TANC1: variants seen among roughly 807,000 people sequenced by gnomAD.
TANC1 encodes the protein protein TANC1.
A neutral mutation model predicts 149.7 loss-of-function variants in TANC1; 77 were observed. The observed-to-expected ratio is 0.51, with a 90% CI of 0.43 to 0.62. The LOEUF is 0.62. TANC1 is among the 20% of genes least tolerant of loss of function. TANC1 has a pLI of 0.00. For missense variants in TANC1, 1,985 were observed against 2,321.8 expected, an observed-to-expected ratio of 0.85 and a Z score of 2.98; for synonymous variants, 854 against 925.0, an observed-to-expected ratio of 0.92 and a Z score of 1.39.
chr2:159,120,504 A>T (rs919877525), intron 4 of TANC1, among the ~76,000 whole-genome samples: 2 of 152,258 alleles, frequency 1.3e-5, no homozygotes, highest in East Asian at 1.9e-4. Context: ...TGAATTTTGC[A>T]TTGCTATTCA....
intron 19 of TANC1, among the ~76,000 whole-genome samples, chr2:159,199,755 TTA>T (rs1258923718): frequency 2.0e-5 from 3 of 152,238 alleles, no homozygotes; most frequent in South Asian, 4.1e-4. Context: ...AATTTCCAGG[TTA>T]TGTTTCTGTG....
intron 12 of TANC1, 114 bp from the exon 13 acceptor site, chr2:159,176,238 A>T: frequency 1.8e-6 from 1 of 556,498 alleles, no homozygotes; most frequent in Non-Finnish European, 3.0e-6. Flanking sequence ...TTCTTGTGCC[A>T]TATGTAAACC....
intron 19 of TANC1, among the ~76,000 whole-genome samples, chr2:159,210,900 C>G (rs1443854649): frequency 6.7e-6 from 1 of 149,052 alleles, no homozygotes; most frequent in Non-Finnish European, 1.5e-5. Flanking sequence ...AAGATGGAGT[C>G]TTGCTCTGTC....
At chr2:159,108,298 C>T (rs974219595) in intron 4 of TANC1, among the ~76,000 whole-genome samples, 9 of 152,178 alleles carry the variant, frequency 5.9e-5, no homozygotes, top group African/African-American at 2.2e-4. Flanking sequence ...TTGCTTTCCT[C>T]CACTCCTGTC....
intron 5 of TANC1, among the ~76,000 whole-genome samples, chr2:159,146,251 G>A (rs898413070): frequency 6.6e-6 from 1 of 152,204 alleles, no homozygotes; most frequent in Non-Finnish European, 1.5e-5. Context: ...GGAAGGGAGA[G>A]ATTCAGACAG....
chr2:159,203,073 G>A (rs1034355041), intron 19 of TANC1, among the ~76,000 whole-genome samples: 1 of 152,146 alleles, frequency 6.6e-6, no homozygotes, highest in African/African-American at 2.4e-5. Context: ...AGGCCCTTCT[G>A]CTCCAGCACT....
At chr2:159,101,860 G>C (rs899355057) in intron 4 of TANC1, among the ~76,000 whole-genome samples, 4 of 152,152 alleles carry the variant, frequency 2.6e-5, no homozygotes, top group Non-Finnish European at 4.4e-5. Flanking sequence ...TGCTGTGATG[G>C]AGTAAGACAG....
rs759596023 is a variant in TANC1, at chr2:159,227,805, T to C, written c.3904-14T>C. 6.2e-7 allele frequency: 1 copy of C among 1,612,658 alleles called. No individual in the cohort carries two copies. The highest frequency in any genetic ancestry group is 1.1e-5 in the South Asian group (1 of 90,688). On this transcript the variant is annotated splice_polypyrimidine_tract_variant and intron_variant, in intron 24 of 26. Coordinates refer to ENST00000263635, the MANE Select transcript of TANC1 (RefSeq NM_033394.3). ...TCTGAAAAAGGACAAATGTTTGTGA[T>C]TTTTGAATCCTAGAAAGGGAAAATG...
At chr2:159,193,994 G>A (rs1056527494) in intron 16 of TANC1, among the ~76,000 whole-genome samples, 2 of 152,106 alleles carry the variant, frequency 1.3e-5, no homozygotes, top group African/African-American at 4.8e-5. Context: ...GAGTAGCTGG[G>A]ATTACAGTCA....
At chr2:159,123,881 T>G (rs1279770079) in intron 4 of TANC1, among the ~76,000 whole-genome samples, 1 of 152,050 alleles carries the variant, frequency 6.6e-6, no homozygotes, top group Non-Finnish European at 1.5e-5. Flanking sequence ...GTGACGCCAG[T>G]CTCCCCTCGT....
chr2:159,140,686 A>ATTT lies in TANC1; in HGVS notation c.364+4407_364+4409dup, dbSNP rs375936311. 9.8e-4 allele frequency among the ~76,000 whole-genome samples: 108 copies of ATTT among 109,716 alleles called. 1 individual carries two copies. The highest frequency in any genetic ancestry group is 1.6e-3 in the East Asian group (6 of 3,786). 72.0% of individuals were successfully genotyped at this position (109,716 alleles called of 152,430 possible). On this transcript the variant is annotated intron_variant, in intron 5 of 26. Coordinates refer to ENST00000263635, the MANE Select transcript of TANC1 (RefSeq NM_033394.3). Reference sequence around the variant, plus strand: ...GGAGTTCAGCAGATGGAGATTCTCTATTTTTTTTTTTTTTTTTTTTTGAGA... The same window carrying ATTT: ...GGAGTTCAGCAGATGGAGATTCTCTATTTTTTTTTTTTTTTTTTTTTTTTGAGA...
rs532276219 is a variant in TANC1, at chr2:159,114,559, A to T, written c.259+16725A>T. Among the ~76,000 whole-genome samples the T allele has an allele frequency of 5.3e-5, 8 of 152,332 alleles. 1 individual carries two copies. In the South Asian group the frequency reaches 1.7e-3, roughly 32 times the overall value. On this transcript the variant is annotated intron_variant, in intron 4 of 26. Coordinates refer to ENST00000263635, the MANE Select transcript of TANC1 (RefSeq NM_033394.3). ...GTGTGATACCCAGAAAGGAAAAAATAAACCTGTTGAGTTCAACATGTTTCC... is the reference window on the plus strand; with the variant it reads ...GTGTGATACCCAGAAAGGAAAAAATTAACCTGTTGAGTTCAACATGTTTCC...
chr2:159,174,214 G>A (rs977389484), intron 11 of TANC1, among the ~76,000 whole-genome samples: 1 of 152,068 alleles, frequency 6.6e-6, no homozygotes, highest in Admixed American at 6.5e-5. Context: ...ACACTTCAGC[G>A]TCTGGCCCTT....
intron 2 of TANC1, among the ~76,000 whole-genome samples, chr2:159,004,734 C>A (rs116445284): frequency 0.022 from 3,401 of 151,528 alleles, 60 homozygotes; most frequent in Non-Finnish European, 0.035. Context: ...AACAAACAAA[C>A]AAAAAAAACC....
intron 19 of TANC1, among the ~76,000 whole-genome samples, chr2:159,200,301 C>T (rs1482738647): frequency 2.6e-4 from 39 of 152,118 alleles, no homozygotes; most frequent in Non-Finnish European, 1.5e-5. Flanking sequence ...CATTCTGATT[C>T]ACTAGGGGGA....
intron 3 of TANC1, among the ~76,000 whole-genome samples, chr2:159,095,472 C>A (rs1237244171): frequency 6.6e-6 from 1 of 152,108 alleles, no homozygotes; most frequent in Non-Finnish European, 1.5e-5. Flanking sequence ...GGCGCTGTGG[C>A]TCATGCCTGT....
intron 4 of TANC1, among the ~76,000 whole-genome samples, chr2:159,123,722 A>G (rs1489252028): frequency 2.0e-5 from 3 of 152,244 alleles, no homozygotes; most frequent in South Asian, 4.1e-4. Flanking sequence ...TGAAATATAT[A>G]TTTGTGCCCC....
intron 3 of TANC1, among the ~76,000 whole-genome samples, chr2:159,073,365 G>C (rs2043333401): frequency 6.6e-6 from 1 of 152,134 alleles, no homozygotes; most frequent in Admixed American, 6.5e-5. Flanking sequence ...TCCTGGTGGG[G>C]GGCATACTTG....
At chr2:158,977,513 G>A (rs1333168272) in intron 1 of TANC1, among the ~76,000 whole-genome samples, 1 of 151,586 alleles carries the variant, frequency 6.6e-6, no homozygotes, top group African/African-American at 2.4e-5. Context: ...GTTTCACCAT[G>A]TTGGCCAGGC....
Sources: allele counts gnomAD v4.1 joint callset (sites outside exome capture counted in the v4.1 genomes callset), GRCh38; gene constraint gnomAD v4.1.1; transcripts MANE v1.5; gene names NCBI Gene and HGNC (gene_info 2026-07-23, HGNC 2026-07-21).